Variants in KLF12 observed in about 807,000 individuals in gnomAD.
KLF12 encodes the protein KLF transcription factor 12.
KLF12 carries 9 observed loss-of-function variants against 37.8 expected under a neutral mutation model. That is an observed-to-expected ratio of 0.24 (90% CI 0.14 to 0.42). The LOEUF (loss-of-function observed/expected upper bound fraction) is 0.42, where lower values mean the gene tolerates loss of function less well. KLF12 is among the 10% of genes least tolerant of loss of function. The pLI, the probability that KLF12 is intolerant of heterozygous loss-of-function variation, is 1.00. For synonymous variants in KLF12, 208 were observed against 202.1 expected, an observed-to-expected ratio of 1.03 and a Z score of -0.25; for missense variants, 411 against 516.0, an observed-to-expected ratio of 0.80 and a Z score of 1.97.
chr13:73,744,113 C>A (rs762734950), intron 6 of KLF12, among the ~76,000 whole-genome samples: 13 of 152,200 alleles, frequency 8.5e-5, no homozygotes, highest in Non-Finnish European at 1.3e-4. Context: ...CATCTTTGAA[C>A]TAAAGTTAAA....
intron 2 of KLF12, among the ~76,000 whole-genome samples, chr13:73,984,538 G>A (rs1210744728): frequency 6.6e-6 from 1 of 152,128 alleles, no homozygotes; most frequent in Non-Finnish European, 1.5e-5. Flanking sequence ...TACATCCAGT[G>A]TGGCCTTCCT....
chr13:74,096,126 G>GA (rs1448400353), intron 1 of KLF12, among the ~76,000 whole-genome samples: 3 of 152,148 alleles, frequency 2.0e-5, no homozygotes, highest in African/African-American at 7.2e-5. Flanking sequence ...TCTTTCTGAA[G>GA]ATTCTCCTCT....
At chr13:73,942,929 T>C (rs1309109610) in intron 3 of KLF12, among the ~76,000 whole-genome samples, 2 of 152,204 alleles carry the variant, frequency 1.3e-5, no homozygotes, top group Non-Finnish European at 2.9e-5. Context: ...GCAGAAGTTA[T>C]TGAAGAGACC....
At chr13:73,846,395 ATATATT>A in intron 3 of KLF12, 22 bp from the exon 4 acceptor site, 1 of 1,584,902 alleles carries the variant, frequency 6.3e-7, no homozygotes, top group Non-Finnish European at 8.6e-7. Context: ...AAAATGGAAC[ATATATT>A]TATCTTTGTT....
intron 1 of KLF12, among the ~76,000 whole-genome samples, chr13:74,056,421 A>G (rs1291230691): frequency 6.6e-6 from 1 of 152,238 alleles, no homozygotes; most frequent in Non-Finnish European, 1.5e-5. Context: ...TACTTACAGT[A>G]AAGATTAATA....
intron 1 of KLF12, among the ~76,000 whole-genome samples, chr13:74,029,279 A>G (rs1018859408): frequency 6.6e-6 from 1 of 152,156 alleles, no homozygotes; most frequent in Non-Finnish European, 1.5e-5. Flanking sequence ...TAAATGTTCT[A>G]GATCTGCTTT....
intron 4 of KLF12, among the ~76,000 whole-genome samples, chr13:73,815,974 T>C (rs1233903142): frequency 1.3e-5 from 2 of 152,226 alleles, no homozygotes; most frequent in Non-Finnish European, 2.9e-5. Flanking sequence ...TTTGATGTAC[T>C]TTTCAGGAGC....
the KLF12 span, among the ~76,000 whole-genome samples, chr13:74,187,329 A>G: frequency 6.9e-6 from 1 of 144,596 alleles, no homozygotes; most frequent in East Asian, 2.0e-4. Flanking sequence ...GTCTCAAAAG[A>G]AAAAAAAAAA....
chr13:74,262,547 A>G, the KLF12 span, among the ~76,000 whole-genome samples: 4 of 152,314 alleles, frequency 2.6e-5, no homozygotes, highest in Non-Finnish European at 5.9e-5. Flanking sequence ...TAAATCATCT[A>G]TAGATTACCT....
the KLF12 span, among the ~76,000 whole-genome samples, chr13:74,147,068 C>A: frequency 1.3e-5 from 2 of 152,186 alleles, no homozygotes; most frequent in African/African-American, 4.8e-5. Flanking sequence ...TCTCATTAGA[C>A]TGAATTGCCA....
At chr13:73,715,597 C>T in intron 6 of KLF12, 72 bp from the exon 7 acceptor site, 2 of 1,474,504 alleles carry the variant, frequency 1.4e-6, no homozygotes, top group Non-Finnish European at 1.9e-6. Context: ...GGCATGGGAA[C>T]ATTGTCTCAG....
intron 2 of KLF12, among the ~76,000 whole-genome samples, chr13:73,954,695 T>C (rs1467480529): frequency 6.6e-6 from 1 of 152,220 alleles, no homozygotes; most frequent in Non-Finnish European, 1.5e-5. Context: ...AGAAGAAAGA[T>C]ATCTTGCATT....
chr13:74,197,028 T>G, the KLF12 span, among the ~76,000 whole-genome samples: 1 of 152,264 alleles, frequency 6.6e-6, no homozygotes, highest in East Asian at 1.9e-4. Context: ...TTACAGGCTC[T>G]GAGCAAAAAT....
chr13:74,203,075 G>A, the KLF12 span, among the ~76,000 whole-genome samples: 1 of 152,072 alleles, frequency 6.6e-6, no homozygotes, highest in Non-Finnish European at 1.5e-5. Context: ...TGGATGAATG[G>A]GTTAGATGGG....
At chr13:73,730,407 G>A (rs776916594) in intron 6 of KLF12, among the ~76,000 whole-genome samples, 7 of 152,116 alleles carry the variant, frequency 4.6e-5, no homozygotes, top group African/African-American at 7.2e-5. Context: ...TAGGAAGTAC[G>A]GGCAGGGCTC....
intron 3 of KLF12, among the ~76,000 whole-genome samples, chr13:73,941,255 T>C (rs1272800823): frequency 6.6e-6 from 1 of 152,160 alleles, no homozygotes; most frequent in Non-Finnish European, 1.5e-5. Flanking sequence ...ATGTCTCATC[T>C]TTTTCAAAAG....
chr13:73,898,546 C>T (rs1177230365), intron 3 of KLF12, among the ~76,000 whole-genome samples: 1 of 152,086 alleles, frequency 6.6e-6, no homozygotes, highest in Non-Finnish European at 1.5e-5. Context: ...AAGCCTGGCC[C>T]ACTTATTAAG....
chr13:73,911,483 T>C (rs766942849), intron 3 of KLF12, among the ~76,000 whole-genome samples: 12 of 152,190 alleles, frequency 7.9e-5, no homozygotes, highest in Non-Finnish European at 1.2e-4. Flanking sequence ...TTAGCAAAAT[T>C]CATGGCTTCA....
At chr13:74,277,418 C>T in the KLF12 span, among the ~76,000 whole-genome samples, 2 of 152,126 alleles carry the variant, frequency 1.3e-5, no homozygotes. Context: ...TATGTCTTCC[C>T]TGGTAGTCAC....
Sources: gnomAD v4.1 joint callset for allele counts (sites outside exome capture counted in the v4.1 genomes callset) on GRCh38, gnomAD v4.1.1 for gene constraint, MANE v1.5 for transcripts, NCBI Gene and HGNC (gene_info 2026-07-23, HGNC 2026-07-21) for gene names.